Variants in SLC39A11 observed in about 807,000 individuals in gnomAD.
The protein encoded by SLC39A11 is zinc transporter ZIP11.
Under a neutral mutation model 36.1 loss-of-function variants are expected in SLC39A11, and 33 were observed. That is an observed-to-expected ratio of 0.91 (90% CI 0.69 to 1.22). The LOEUF (loss-of-function observed/expected upper bound fraction) is 1.22. SLC39A11 is among the 50% of genes most tolerant of loss of function. The probability of loss-of-function intolerance (pLI) is 0.00; values close to 1 mark genes in which losing one functional copy is unlikely to be tolerated. For synonymous variants in SLC39A11, 166 were observed against 170.3 expected, an observed-to-expected ratio of 0.97 and a Z score of 0.20; for missense variants, 432 against 430.3, an observed-to-expected ratio of 1.00 and a Z score of -0.03.
chr17:72,791,322 T>C (rs2076695547), intron 6 of SLC39A11, among the ~76,000 whole-genome samples: 1 of 152,110 alleles, frequency 6.6e-6, no homozygotes. Context: ...AGCGTGGTGG[T>C]GCACACCATG....
intron 7 of SLC39A11, among the ~76,000 whole-genome samples, chr17:72,662,462 GA>G (rs766679897): frequency 8.8e-5 from 12 of 137,124 alleles, no homozygotes; most frequent in Non-Finnish European, 1.7e-4. Flanking sequence ...AAAGAAAAAG[GA>G]AGGAAAGGAA....
chr17:72,812,746 C>T (rs1386032874), intron 6 of SLC39A11, among the ~76,000 whole-genome samples: 3 of 152,154 alleles, frequency 2.0e-5, no homozygotes, highest in Non-Finnish European at 4.4e-5. Flanking sequence ...ACTACAATGA[C>T]AAATAAATAG....
At chr17:73,010,901 G>A (rs1355910471) in intron 4 of SLC39A11, among the ~76,000 whole-genome samples, 1 of 152,196 alleles carries the variant, frequency 6.6e-6, no homozygotes, top group Non-Finnish European at 1.5e-5. Context: ...CCGTAAGGAA[G>A]CGTTTTCCTA....
At chr17:73,026,517 CAAAAAAAA>C (rs548390962) in intron 4 of SLC39A11, among the ~76,000 whole-genome samples, 3 of 75,600 alleles carry the variant, frequency 4.0e-5, no homozygotes, top group African/African-American at 1.2e-4. Context: ...GAAACTACAT[CAAAAAAAA>C]AAAAAAAAAG....
chr17:72,831,100 CTGTT>C (rs1037675035), intron 6 of SLC39A11, among the ~76,000 whole-genome samples: 2 of 151,996 alleles, frequency 1.3e-5, no homozygotes, highest in Admixed American at 6.5e-5. Flanking sequence ...TTTAAGAAGA[CTGTT>C]TGCACCTGCA....
At chr17:72,679,565 C>T (rs1430381801) in intron 7 of SLC39A11, among the ~76,000 whole-genome samples, 1 of 152,132 alleles carries the variant, frequency 6.6e-6, no homozygotes, top group Non-Finnish European at 1.5e-5. Context: ...CCACCTCGGG[C>T]TTCTTCAAGG....
chr17:73,039,150 G>A (rs2059024575), intron 3 of SLC39A11, among the ~76,000 whole-genome samples: 1 of 152,076 alleles, frequency 6.6e-6, no homozygotes, highest in Non-Finnish European at 1.5e-5. Flanking sequence ...CATTTCACAG[G>A]ATTGTCCTAA....
intron 6 of SLC39A11, among the ~76,000 whole-genome samples, chr17:72,800,303 ATTTTTTTTTTTT>A (rs34172959): frequency 3.3e-5 from 3 of 90,370 alleles, no homozygotes; most frequent in African/African-American, 1.2e-4. Context: ...ACCTACAATA[ATTTTTTTTTTTT>A]TTTTTTTTTT....
chr17:72,950,113 C>T (rs1389183452), intron 4 of SLC39A11, among the ~76,000 whole-genome samples: 1 of 151,906 alleles, frequency 6.6e-6, no homozygotes, highest in Non-Finnish European at 1.5e-5. Context: ...CACATATGCC[C>T]TTCCTCTCAT....
chr17:72,696,438 C>A (rs544627063), intron 7 of SLC39A11, among the ~76,000 whole-genome samples: 1 of 152,146 alleles, frequency 6.6e-6, no homozygotes, highest in Non-Finnish European at 1.5e-5. Flanking sequence ...ATCAAAGAAG[C>A]CAGGCTCAGG....
rs188819445 is a variant in SLC39A11 at position 72,824,294 on chromosome 17, C to T, written c.601+25340G>A. Among the ~76,000 whole-genome samples the T allele has an allele frequency of 4.2e-4, 63 of 151,386 alleles. No individual in the cohort carries two copies. The East Asian group carries it at 9.5e-3, about 23-fold the overall frequency. ...TCCTGCTCCACCATGTGAAGACATGCCTGCTTACCCTTTTGCCTTCTGCCA... is the reference window on the plus strand; with the variant it reads ...TCCTGCTCCACCATGTGAAGACATGTCTGCTTACCCTTTTGCCTTCTGCCA... On this transcript the variant is annotated intron_variant, in intron 6 of 9. Transcript: ENST00000255559.
intron 5 of SLC39A11, among the ~76,000 whole-genome samples, chr17:72,851,149 G>GCCAT (rs1281129936): frequency 1.1e-4 from 16 of 152,114 alleles, no homozygotes; most frequent in African/African-American, 3.1e-4. Flanking sequence ...ACATTCATGG[G>GCCAT]CCATCCGTAG....
intron 5 of SLC39A11, among the ~76,000 whole-genome samples, chr17:72,913,184 T>C (rs1232101464): frequency 7.2e-6 from 1 of 137,988 alleles, no homozygotes; most frequent in Admixed American, 7.2e-5. Flanking sequence ...TTGGAGGGTG[T>C]AGGGGCAAAA....
At chr17:72,774,456 G>A (rs1166851705) in intron 6 of SLC39A11, among the ~76,000 whole-genome samples, 4 of 152,120 alleles carry the variant, frequency 2.6e-5, no homozygotes, top group Non-Finnish European at 4.4e-5. Context: ...TTACAAACCC[G>A]CGCTTCATTT....
intron 7 of SLC39A11, among the ~76,000 whole-genome samples, chr17:72,735,931 G>T (rs569253359): frequency 6.6e-6 from 1 of 152,318 alleles, no homozygotes; most frequent in East Asian, 1.9e-4. Context: ...GGAAAACGCG[G>T]CATTGAGAGT....
At chr17:73,065,660 T>C (rs1336975769) in intron 3 of SLC39A11, among the ~76,000 whole-genome samples, 1 of 152,172 alleles carries the variant, frequency 6.6e-6, no homozygotes, top group Non-Finnish European at 1.5e-5. Flanking sequence ...AACACAGCCC[T>C]TGGACTGAGA....
chr17:72,702,023 C>CCAGAAGTTAAGTT (rs1555642172), intron 7 of SLC39A11, among the ~76,000 whole-genome samples: 13 of 43,824 alleles, frequency 3.0e-4, no homozygotes, highest in South Asian at 6.5e-4. Context: ...GGAAGATTGC[C>CCAGAAGTTAAGTT]TGAGCCTGGG....
At chr17:72,660,163 C>T (rs1163064196) in intron 7 of SLC39A11, among the ~76,000 whole-genome samples, 3 of 152,188 alleles carry the variant, frequency 2.0e-5, no homozygotes, top group Non-Finnish European at 2.9e-5. Context: ...CTCGTGTCAG[C>T]AGCAGCACAG....
intron 4 of SLC39A11, among the ~76,000 whole-genome samples, chr17:72,979,112 C>T (rs934139101): frequency 6.6e-6 from 1 of 152,166 alleles, no homozygotes; most frequent in Non-Finnish European, 1.5e-5. Flanking sequence ...TTCCCCCATG[C>T]TGTTCTCGTG....
Sources: gnomAD v4.1 joint callset for allele counts (sites outside exome capture counted in the v4.1 genomes callset) on GRCh38, gnomAD v4.1.1 for gene constraint, MANE v1.5 for transcripts, NCBI Gene and HGNC (gene_info 2026-07-23, HGNC 2026-07-21) for gene names.